The following NLGN1 variants were observed in gnomAD, a reference collection of about 807,000 sequenced individuals.
NLGN1 encodes the protein neuroligin 1, also known as neuroligin-1.
Under a neutral mutation model 65.5 loss-of-function variants are expected in NLGN1, and 12 were observed. That is an observed-to-expected ratio of 0.18 (90% CI 0.12 to 0.30). NLGN1 has a LOEUF of 0.30. NLGN1 is among the 10% of genes least tolerant of loss of function. The pLI is 1.00. For missense variants in NLGN1, 750 were observed against 1,007.1 expected (o/e 0.74, Z 3.46); for synonymous variants, 350 against 359.5 (o/e 0.97, Z 0.30).
chr3:173,614,845 C>T (rs1447108770), intron 3 of NLGN1, among the ~76,000 whole-genome samples: 1 of 152,038 alleles, frequency 6.6e-6, no homozygotes, highest in Non-Finnish European at 1.5e-5. Context: ...TTTCTTTCTT[C>T]CAGAGCAAAG....
At chr3:173,807,972 A>G (rs1351277339) in intron 4 of NLGN1, 140 bp downstream of exon 4, 2 of 743,250 alleles carry the variant, frequency 2.7e-6, no homozygotes, top group Admixed American at 2.7e-5. Flanking sequence ...AATTTTTTAT[A>G]GTTTCAATGA....
At chr3:174,055,865 C>T (rs1160825140) in intron 4 of NLGN1, among the ~76,000 whole-genome samples, 1 of 151,790 alleles carries the variant, frequency 6.6e-6, no homozygotes, top group Non-Finnish European at 1.5e-5. Flanking sequence ...TTACAACATT[C>T]TTAATGTCAG....
chr3:173,711,228 A>G (rs1458677907), intron 3 of NLGN1, among the ~76,000 whole-genome samples: 1 of 152,204 alleles, frequency 6.6e-6, no homozygotes, highest in Non-Finnish European at 1.5e-5. Flanking sequence ...ACAATTCACA[A>G]TAATATTTCA....
chr3:173,895,850 A>G (rs1017246428), intron 4 of NLGN1, among the ~76,000 whole-genome samples: 2 of 151,842 alleles, frequency 1.3e-5, no homozygotes, highest in African/African-American at 4.8e-5. Context: ...GCCCCCACAC[A>G]TGGCTAATTT....
chr3:173,628,792 C>T (rs1282768324), intron 3 of NLGN1, among the ~76,000 whole-genome samples: 1 of 151,922 alleles, frequency 6.6e-6, no homozygotes, highest in Non-Finnish European at 1.5e-5. Flanking sequence ...CTCCTGGGCT[C>T]AAGCGATTCT....
intron 4 of NLGN1, among the ~76,000 whole-genome samples, chr3:174,172,440 A>G (rs919894641): frequency 6.6e-6 from 1 of 151,686 alleles, no homozygotes; most frequent in Non-Finnish European, 1.5e-5. Context: ...CCTCCACTTC[A>G]TATTTTAAGG....
chr3:173,647,872 A>G (rs1758523760), intron 3 of NLGN1, among the ~76,000 whole-genome samples: 1 of 152,148 alleles, frequency 6.6e-6, no homozygotes, highest in Non-Finnish European at 1.5e-5. Flanking sequence ...AAAATAGAAA[A>G]GTATTGTTGA....
At chr3:173,939,046 G>GA (rs1230361259) in intron 4 of NLGN1, among the ~76,000 whole-genome samples, 3 of 152,056 alleles carry the variant, frequency 2.0e-5, no homozygotes, top group Non-Finnish European at 2.9e-5. Context: ...GAACACATGA[G>GA]AAAAAATGCA....
intron 4 of NLGN1, among the ~76,000 whole-genome samples, chr3:174,090,200 G>A (rs1444525985): frequency 6.6e-6 from 1 of 152,162 alleles, no homozygotes; most frequent in African/African-American, 2.4e-5. Flanking sequence ...TCCGGGCGAG[G>A]TGGCTCACAC....
chr3:173,946,381 A>G (rs1354012463), intron 4 of NLGN1, among the ~76,000 whole-genome samples: 1 of 152,078 alleles, frequency 6.6e-6, no homozygotes, highest in Non-Finnish European at 1.5e-5. Context: ...CATTTTACAT[A>G]TTATTTTTGT....
At chr3:173,754,049 T>TTTTTTTTTTTTGTTTTTTTTGTC (rs1776733785) in intron 3 of NLGN1, among the ~76,000 whole-genome samples, 1 of 146,196 alleles carries the variant, frequency 6.8e-6, no homozygotes, top group African/African-American at 2.5e-5. Flanking sequence ...TTTTTTTTTT[T>TTTTTTTTTTTTGTTTTTTTTGTC]GTTGTTGTTG....
At chr3:173,539,711 T>TACATATATGTAC (rs1577174792) in intron 2 of NLGN1, among the ~76,000 whole-genome samples, 1 of 123,250 alleles carries the variant, frequency 8.1e-6, no homozygotes. Flanking sequence ...CATATATACA[T>TACATATATGTAC]ATATGTACAT....
Position 174,097,626 on chromosome 3 carries a change from G to A in NLGN1, c.647-177689G>A, listed in dbSNP as rs141874664. 1.4e-3 allele frequency among the ~76,000 whole-genome samples: 207 copies of A among 152,200 alleles called. 1 individual carries two copies. Among genetic ancestry groups the A allele is most frequent in the Admixed American group, 2.2e-3 (33 of 15,278 alleles). ...TTATTTCAATTGATGTGAATGTAGG[G>A]CACAATTATGTAGTGTTTTGGAGTG... On this transcript the variant is annotated intron_variant, in intron 4 of 6. Coordinates refer to ENST00000457714, the Ensembl canonical transcript of NLGN1.
At chr3:173,469,682 G>A (rs920985786) in intron 2 of NLGN1, among the ~76,000 whole-genome samples, 2 of 150,406 alleles carry the variant, frequency 1.3e-5, no homozygotes, top group Admixed American at 6.7e-5. Flanking sequence ...TAACCACCAC[G>A]TCTGTGTAGT....
chr3:174,236,542 AGTT>A (rs1317973492), intron 4 of NLGN1, among the ~76,000 whole-genome samples: 1 of 151,980 alleles, frequency 6.6e-6, no homozygotes, highest in Non-Finnish European at 1.5e-5. Flanking sequence ...AAAAAATTTA[AGTT>A]GTTTTATATT....
At position 174,246,980 on chromosome 3, in the gene NLGN1, A is replaced by G. The variant is rs143777519; in HGVS notation, c.647-28335A>G. ...CCTTAGCCTCATTATGCTATGGTCCATGTAGACATACAGAGCAAAACAATT... is the reference window on the plus strand; with the variant it reads ...CCTTAGCCTCATTATGCTATGGTCCGTGTAGACATACAGAGCAAAACAATT... On this transcript the variant is annotated intron_variant, in intron 4 of 6. Coordinates refer to ENST00000457714, the Ensembl canonical transcript of NLGN1. 3.9e-5 allele frequency among the ~76,000 whole-genome samples: 6 copies of G among 152,322 alleles called. No homozygotes were observed. In the East Asian group the frequency reaches 1.2e-3, roughly 29 times the overall value.
chr3:174,276,047 C>A (rs1750497793), intron 5 of NLGN1, among the ~76,000 whole-genome samples: 1 of 151,772 alleles, frequency 6.6e-6, no homozygotes, highest in South Asian at 2.1e-4. Context: ...ATGCATGATC[C>A]AAAATTGTCA....
At chr3:173,400,154 T>C (rs1717394098) in intron 1 of NLGN1, among the ~76,000 whole-genome samples, 3 of 152,224 alleles carry the variant, frequency 2.0e-5, no homozygotes, top group African/African-American at 7.2e-5. Flanking sequence ...GCAGTCGGTT[T>C]CCATCTTACT....
chr3:173,566,202 C>T (rs1013164568), intron 2 of NLGN1, among the ~76,000 whole-genome samples: 2 of 152,052 alleles, frequency 1.3e-5, no homozygotes, highest in Non-Finnish European at 1.5e-5. Flanking sequence ...ATGGGTTAAC[C>T]GATCTGTACA....
Sources: allele counts gnomAD v4.1 joint callset (sites outside exome capture counted in the v4.1 genomes callset), GRCh38; gene constraint gnomAD v4.1.1; transcripts MANE v1.5; gene names NCBI Gene and HGNC (gene_info 2026-07-23, HGNC 2026-07-21).